The following SH3BP5 variants were observed in gnomAD, a reference collection of about 807,000 sequenced individuals.
SH3BP5 encodes the protein SH3 domain binding protein 5, also known as SH3 domain-binding protein 5.
Under a neutral mutation model 43.3 loss-of-function variants are expected in SH3BP5, and 22 were observed. The ratio of observed to expected loss-of-function variants is 0.51; its 90% CI spans 0.36 to 0.73. SH3BP5 has a LOEUF of 0.73. SH3BP5 is among the 30% of genes least tolerant of loss of function. SH3BP5 has a pLI of 0.00. For synonymous variants in SH3BP5, 255 were observed against 225.8 expected (o/e 1.13, Z -1.16); for missense variants, 529 against 586.9 (o/e 0.90, Z 1.02).
chr3:15,289,512 A>G (rs189768486), intron 3 of SH3BP5, among the ~76,000 whole-genome samples: 3 of 152,330 alleles, frequency 2.0e-5, no homozygotes, highest in Admixed American at 2.0e-4. Flanking sequence ...CCATGAAATC[A>G]CAGCACTAAT....
At chr3:15,259,968 G>A (rs1696371629) in intron 5 of SH3BP5, 165 bp from the exon 6 acceptor site, 3 of 660,094 alleles carry the variant, frequency 4.5e-6, no homozygotes, top group South Asian at 3.6e-5. Flanking sequence ...TCCTAGCTCT[G>A]GAGACTGACA....
At chr3:15,306,845 C>T (rs1020553743) in intron 2 of SH3BP5, among the ~76,000 whole-genome samples, 8 of 151,432 alleles carry the variant, frequency 5.3e-5, no homozygotes, top group Non-Finnish European at 8.8e-5. Flanking sequence ...ATTTTTTTTT[C>T]GTATTTTCAG....
At chr3:15,267,132 C>T (rs73144060) in intron 4 of SH3BP5, among the ~76,000 whole-genome samples, 10,011 of 152,306 alleles carry the variant, frequency 0.066, 1,103 homozygotes, top group African/African-American at 0.23. Context: ...GCCCTTTGAT[C>T]ACACAGCTTT....
intron 6 of SH3BP5, 78 bp from the exon 7 acceptor site, chr3:15,259,128 C>T (rs1040702852): frequency 2.6e-6 from 3 of 1,141,168 alleles, no homozygotes; most frequent in East Asian, 2.4e-5. Flanking sequence ...GGTTCAAGTA[C>T]ATTTTCTGCC....
chr3:15,281,640 C>T (rs1029801046), intron 3 of SH3BP5, among the ~76,000 whole-genome samples: 12 of 152,116 alleles, frequency 7.9e-5, no homozygotes, highest in Non-Finnish European at 1.8e-4. Context: ...TGCATGGTTC[C>T]ACCTGCACCA....
At chr3:15,278,521 T>C (rs1173390377) in intron 3 of SH3BP5, among the ~76,000 whole-genome samples, 2 of 152,218 alleles carry the variant, frequency 1.3e-5, no homozygotes, top group Non-Finnish European at 1.5e-5. Context: ...TGATGCTTCA[T>C]TGAAGAGGAC....
At chr3:15,305,803 T>C (rs1306932018) in intron 2 of SH3BP5, among the ~76,000 whole-genome samples, 1 of 151,976 alleles carries the variant, frequency 6.6e-6, no homozygotes, top group Non-Finnish European at 1.5e-5. Flanking sequence ...AACTAGCAAC[T>C]TGGACCTTGA....
At chr3:15,320,363 TTC>T (rs2125132971) in intron 2 of SH3BP5, among the ~76,000 whole-genome samples, 1 of 152,246 alleles carries the variant, frequency 6.6e-6, no homozygotes, top group African/African-American at 2.4e-5. Flanking sequence ...ACAAAATTTT[TTC>T]CATCTTCCTT....
intron 1 of SH3BP5, among the ~76,000 whole-genome samples, chr3:15,337,611 C>T (rs1366696249): frequency 6.6e-6 from 1 of 152,010 alleles, no homozygotes; most frequent in Non-Finnish European, 1.5e-5. Context: ...GAGACAGGCC[C>T]TCATGAAACC....
chr3:15,296,134 A>G (rs188981497), intron 3 of SH3BP5, among the ~76,000 whole-genome samples: 79 of 152,310 alleles, frequency 5.2e-4, no homozygotes, highest in Admixed American at 5.1e-3. Context: ...TTTATAGAAT[A>G]TGACTACCAC....
At chr3:15,318,173 T>G (rs76815000) in intron 2 of SH3BP5, among the ~76,000 whole-genome samples, 4,266 of 152,282 alleles carry the variant, frequency 0.028, 71 homozygotes, top group South Asian at 0.08. Flanking sequence ...AGCACAAAAC[T>G]TAGCATATAA....
At chr3:15,290,327 G>A (rs1208640850) in intron 3 of SH3BP5, among the ~76,000 whole-genome samples, 2 of 151,836 alleles carry the variant, frequency 1.3e-5, no homozygotes, top group Non-Finnish European at 2.9e-5. Flanking sequence ...AGGAGATGGA[G>A]ACCACCCTGG....
intron 4 of SH3BP5, among the ~76,000 whole-genome samples, chr3:15,267,167 G>C (rs564325110): frequency 6.6e-6 from 1 of 152,220 alleles, no homozygotes; most frequent in South Asian, 2.1e-4. Context: ...TGCCAGGCCC[G>C]TGAGGCTCTA....
intron 2 of SH3BP5, among the ~76,000 whole-genome samples, chr3:15,326,663 C>T (rs767932385): frequency 1.3e-5 from 2 of 152,196 alleles, no homozygotes; most frequent in Non-Finnish European, 2.9e-5. Flanking sequence ...TACACAGGAG[C>T]GACGTTCTGC....
chr3:15,315,675 G>A (rs768675920), intron 2 of SH3BP5, among the ~76,000 whole-genome samples: 3 of 152,154 alleles, frequency 2.0e-5, no homozygotes, highest in Non-Finnish European at 2.9e-5. Context: ...TAACTATGAA[G>A]GGTTTCCAAA....
chr3:15,290,632 G>C (rs531063733), intron 3 of SH3BP5, among the ~76,000 whole-genome samples: 1 of 152,150 alleles, frequency 6.6e-6, no homozygotes, highest in South Asian at 2.1e-4. Context: ...CTAGGAGGTG[G>C]AGCTTGCAGT....
chr3:15,305,100 G>C (rs1342374924), intron 2 of SH3BP5, among the ~76,000 whole-genome samples: 1 of 150,658 alleles, frequency 6.6e-6, no homozygotes, highest in African/African-American at 2.5e-5. Flanking sequence ...CTGGGTGACA[G>C]AGTGAGACAC....
intron 6 of SH3BP5, chr3:15,259,367 C>T: frequency 1.9e-6 from 1 of 520,250 alleles, no homozygotes; most frequent in Non-Finnish European, 3.5e-6. Flanking sequence ...GTTCCCAGTA[C>T]AGTGGTTCTC....
At chr3:15,299,797 T>C (rs1201761388) in intron 3 of SH3BP5, among the ~76,000 whole-genome samples, 3 of 147,946 alleles carry the variant, frequency 2.0e-5, no homozygotes, top group Non-Finnish European at 4.4e-5. Flanking sequence ...ACTGAGACAC[T>C]GGATATTCCA....
Sources: gnomAD v4.1 joint callset for allele counts (sites outside exome capture counted in the v4.1 genomes callset) on GRCh38, gnomAD v4.1.1 for gene constraint, MANE v1.5 for transcripts, NCBI Gene and HGNC (gene_info 2026-07-23, HGNC 2026-07-21) for gene names.